The following HS3ST1 variants were observed in gnomAD, a reference collection of about 807,000 sequenced individuals.
HS3ST1 encodes the protein heparan sulfate-glucosamine 3-sulfotransferase 1, also known as heparan sulfate glucosamine 3-O-sulfotransferase 1.
Under a neutral mutation model 20.7 loss-of-function variants are expected in HS3ST1, and 8 were observed. The ratio of observed to expected loss-of-function variants is 0.39; its 90% CI spans 0.23 to 0.70. The LOEUF is 0.70. HS3ST1 is among the 30% of genes least tolerant of loss of function. The pLI, the probability that HS3ST1 is intolerant of heterozygous loss-of-function variation, is 0.46. For missense variants in HS3ST1, 436 were observed against 423.4 expected, an observed-to-expected ratio of 1.03 and a Z score of -0.26; for synonymous variants, 205 against 190.4, an observed-to-expected ratio of 1.08 and a Z score of -0.63.
Position 11,423,003 on chromosome 4 carries a change from A to G in HS3ST1, c.-109+5696T>C, listed in dbSNP as rs1480470275. ...ACGCCACTGCACTCCAGCCAGGGCAACAAGAGCGAGACACCGTCAAAAAAA... is the reference window on the plus strand; with the variant it reads ...ACGCCACTGCACTCCAGCCAGGGCAGCAAGAGCGAGACACCGTCAAAAAAA... On this transcript the variant is annotated intron_variant, in intron 1 of 1. Transcript: ENST00000002596. Among the ~76,000 whole-genome samples the G allele has an allele frequency of 1.4e-5, 2 of 142,164 alleles. 1 individual carries two copies. Among genetic ancestry groups the G allele is most frequent in the East Asian group, 4.2e-4 (2 of 4,784 alleles). The allele number at this position is 142,164 out of a possible 152,430, so 93.3% of individuals were successfully genotyped here.
rs1210225603 is a variant in HS3ST1, at chr4:11,397,177, A to G, written c.*1905T>C. 1 of 152,236 alleles carries G rather than the reference A, an allele frequency of 6.6e-6. No homozygotes were observed. The highest frequency in any genetic ancestry group is 6.5e-5 in the Admixed American group (1 of 15,286). 9.4% of individuals were successfully genotyped at this position (152,236 alleles called of 1,614,324 possible). ...GCAGAGGGAGGCTCTCTGCCTATTG[A>G]AAAGTACCATGTCCACCAGGGGCCT... On this transcript the variant is annotated 3_prime_UTR_variant, in exon 2 of 2. Coordinates refer to ENST00000002596, the MANE Select transcript of HS3ST1 (RefSeq NM_005114.4).
chr4:11,433,850 A>G (rs537257072), upstream of HS3ST1, among the ~76,000 whole-genome samples: 7 of 152,318 alleles, frequency 4.6e-5, no homozygotes, highest in East Asian at 1.9e-4. Context: ...AAAAATTACA[A>G]TTCAATCTAA....
At chr4:11,427,860 C>T (rs900521168) in intron 1 of HS3ST1, among the ~76,000 whole-genome samples, 1 of 152,252 alleles carries the variant, frequency 6.6e-6, no homozygotes, top group Non-Finnish European at 1.5e-5. Flanking sequence ...GTCTGTCCTC[C>T]GCTTCCTGGG....
intron 1 of HS3ST1, among the ~76,000 whole-genome samples, chr4:11,425,519 C>T (rs1183082020): frequency 6.6e-6 from 1 of 152,120 alleles, no homozygotes; most frequent in Admixed American, 6.5e-5. Context: ...TAGTGAGGCC[C>T]GGTGCTTGTA....
At chr4:11,402,101 C>T (rs538409379) in intron 1 of HS3ST1, among the ~76,000 whole-genome samples, 6 of 152,334 alleles carry the variant, frequency 3.9e-5, no homozygotes, top group African/African-American at 1.4e-4. Context: ...AAATTTACTT[C>T]ATTAGTTTAA....
At chr4:11,431,506 G>A (rs1278756158), upstream of HS3ST1, among the ~76,000 whole-genome samples, 1 of 152,098 alleles carries the variant, frequency 6.6e-6, no homozygotes, top group African/African-American at 2.4e-5. Flanking sequence ...CCTAGTATGT[G>A]TACAACACTA....
At chr4:11,420,868 C>T (rs1378967304) in intron 1 of HS3ST1, among the ~76,000 whole-genome samples, 1 of 152,202 alleles carries the variant, frequency 6.6e-6, no homozygotes, top group Non-Finnish European at 1.5e-5. Context: ...GAAGACAACA[C>T]TGCTTTCTTT....
At chr4:11,422,970 C>T (rs979588405) in intron 1 of HS3ST1, among the ~76,000 whole-genome samples, 14 of 123,790 alleles carry the variant, frequency 1.1e-4, no homozygotes, top group Non-Finnish European at 1.1e-4. Context: ...TTGCAGTGAG[C>T]TGGGATCACG....
At chr4:11,431,209 G>A (rs1446864925), upstream of HS3ST1, among the ~76,000 whole-genome samples, 4 of 145,746 alleles carry the variant, frequency 2.7e-5, no homozygotes, top group African/African-American at 1.0e-4. Flanking sequence ...ATCCTGCATG[G>A]TATCTGAAAC....
rs1718270321 is a variant in HS3ST1, at chr4:11,399,831, T to C, written c.175A>G (p.Ile59Val). ...GTGCCGCCCTTGCGCACGCCGATGA[T>C]GATGGTCTGCGGCAACTGCTGGGCA... is the stretch of plus-strand genomic sequence containing the variant. Reference protein sequence around the residue: ...GSAQQLPQTIIIGVRKGGTRA... With the variant: ...GSAQQLPQTIVIGVRKGGTRA... Residue 59 changes from isoleucine to valine, a missense_variant, in exon 2 of 2, where the codon ATC becomes GTC. Transcript: ENST00000002596. This position sits in a 1 kb window ranked among gnomAD's most constrained non-coding sequence, Gnocchi z 5.1. 6.2e-7 allele frequency: 1 copy of C among 1,612,958 alleles called. No individual in the cohort carries two copies.
chr4:11,423,722 T>C (rs1718992065), intron 1 of HS3ST1, among the ~76,000 whole-genome samples: 1 of 152,176 alleles, frequency 6.6e-6, no homozygotes, highest in Admixed American at 6.5e-5. Flanking sequence ...CTTGCAGAGA[T>C]AGGAAGAAGG....
intron 1 of HS3ST1, among the ~76,000 whole-genome samples, chr4:11,405,636 G>T (rs1718444799): frequency 6.6e-6 from 1 of 152,086 alleles, no homozygotes; most frequent in Admixed American, 6.5e-5. Flanking sequence ...ACAGTAGGAA[G>T]AGAAACTTTA....
intron 1 of HS3ST1, among the ~76,000 whole-genome samples, chr4:11,404,854 T>C (rs922744048): frequency 4.6e-5 from 7 of 152,216 alleles, no homozygotes; most frequent in Non-Finnish European, 1.0e-4. Flanking sequence ...CTGGCAACTT[T>C]CCACACAGGG....
In HS3ST1 at chr4:11,396,714, A is replaced by T. The variant is rs1029426537; in HGVS notation, c.*2368T>A. 3 of 152,320 alleles carry T rather than the reference A, an allele frequency of 2.0e-5. No individual in the cohort carries two copies. The highest frequency in any genetic ancestry group is 7.2e-5 in the African/African-American group (3 of 41,434). 9.4% of individuals were successfully genotyped at this position (152,320 alleles called of 1,614,324 possible). A position where few individuals can be genotyped will look rare whatever the true frequency, so the allele number is the denominator to read the frequency against. On this transcript the variant is annotated 3_prime_UTR_variant, in exon 2 of 2. Coordinates refer to ENST00000002596, the MANE Select transcript of HS3ST1 (RefSeq NM_005114.4). ...GGTTGTACCAAAAATGAATGAACAG[A>T]TAGTGCCACTAGGACCTCTGATCCC...
chr4:11,432,781 C>T (rs1054877704), upstream of HS3ST1, among the ~76,000 whole-genome samples: 1 of 152,094 alleles, frequency 6.6e-6, no homozygotes, highest in South Asian at 2.1e-4. Context: ...TAGAGCAGTC[C>T]GCTAGTGAGA....
chr4:11,401,067 T>C (rs916275986), intron 1 of HS3ST1, among the ~76,000 whole-genome samples: 1 of 152,214 alleles, frequency 6.6e-6, no homozygotes, highest in Non-Finnish European at 1.5e-5. Flanking sequence ...GCAGCCTGAC[T>C]GTAGGCATCA....
Position 11,420,926 on chromosome 4 carries a change from C to A in HS3ST1, c.-109+7773G>T, listed in dbSNP as rs563241831. Reference sequence around the variant, plus strand: ...TTCAGAAAAGAATCGTTCAGAACTGCTACCAGGAGAATAGGGATGCTAATA... The same window carrying A: ...TTCAGAAAAGAATCGTTCAGAACTGATACCAGGAGAATAGGGATGCTAATA... On this transcript the variant is annotated intron_variant, in intron 1 of 1. Coordinates refer to ENST00000002596, the MANE Select transcript of HS3ST1 (RefSeq NM_005114.4). Among the ~76,000 whole-genome samples, 12 of 152,292 alleles carry A rather than the reference C, an allele frequency of 7.9e-5. No individual in the cohort carries two copies. The East Asian group carries it at 2.3e-3, about 29-fold the overall frequency.
Position 11,399,459 on chromosome 4 carries a change from T to G in HS3ST1, c.547A>C (p.Arg183=), listed in dbSNP as rs778933469. ...AGGGCCTTGTAGTCCACATTGAGCC[T>G]GCCATCGCGCACCAGGAACTCCTCG... is the stretch of plus-strand genomic sequence containing the variant. The part of the protein sequence containing the change: ...SIEEFLVRDG[R]LNVDYKALNR... The change falls in exon 2 of 2, where the codon AGG becomes CGG. Residue 183 remains arginine (R), a synonymous_variant. Coordinates refer to ENST00000002596, the MANE Select transcript of HS3ST1 (RefSeq NM_005114.4). This position sits in a 1 kb window ranked among gnomAD's most constrained non-coding sequence, Gnocchi z 5.1. 3.1e-6 allele frequency: 5 copies of G among 1,613,888 alleles called. No individual in the cohort carries two copies. In the Admixed American group the frequency reaches 8.3e-5, roughly 27 times the overall value.
intron 1 of HS3ST1, among the ~76,000 whole-genome samples, chr4:11,409,790 A>G (rs927138367): frequency 6.6e-6 from 1 of 152,208 alleles, no homozygotes; most frequent in African/African-American, 2.4e-5. Context: ...CAGCACTCAG[A>G]TGCTTCCAGG....
Sources: gnomAD v4.1 joint callset for allele counts (sites outside exome capture counted in the v4.1 genomes callset) on GRCh38, gnomAD v4.1.1 for gene constraint, Gnocchi (gnomAD v3.1) non-coding constraint, MANE v1.5 for transcripts, NCBI Gene and HGNC (gene_info 2026-07-23, HGNC 2026-07-21) for gene names.